Variants in ENOSF1 observed in about 807,000 individuals in gnomAD.
ENOSF1 encodes enolase superfamily member 1.
ENOSF1 carries 73 observed loss-of-function variants against 68.2 expected under a neutral mutation model. That is an observed-to-expected ratio of 1.07 (90% CI 0.89 to 1.30). The LOEUF (loss-of-function observed/expected upper bound fraction) is 1.30. Among genes scored for constraint, ENOSF1 ranks in the 50% most tolerant of loss-of-function variants. The pLI is 0.00. For missense variants in ENOSF1, 589 were observed against 554.5 expected, an observed-to-expected ratio of 1.06 and a Z score of -0.62; for synonymous variants, 223 against 210.4, an observed-to-expected ratio of 1.06 and a Z score of -0.52.
Position 675,482 on chromosome 18 carries a change from C to T in ENOSF1, c.1149-80G>A, listed in dbSNP as rs959776386. On this transcript the variant is annotated intron_variant, in intron 14 of 15. Transcript: ENST00000647584. The stretch of plus-strand genomic sequence containing the variant: ...TGGTGCTAACTTAAAGCAGAAGGAG[C>T]GAGTACCACTCAATTGACAGTGTTG... 66 of 1,209,656 alleles carry T rather than the reference C, an allele frequency of 5.5e-5. 1 individual carries two copies. The highest frequency in any genetic ancestry group is 2.9e-4 in the East Asian group (12 of 41,194). The allele number at this position is 1,209,656 out of a possible 1,614,324, so 74.9% of individuals were successfully genotyped here. A position where few individuals can be genotyped will look rare whatever the true frequency, so the allele number is the denominator to read the frequency against.
At position 671,650 on chromosome 18, in the gene ENOSF1, G is replaced by T; in HGVS notation, c.*2655C>A. Reference sequence around the variant, plus strand: ...CTCAGCAACCATGGGCACTTAACATGTCAGGTGCTGTGAGGTACTAAGCAC... The same window carrying T: ...CTCAGCAACCATGGGCACTTAACATTTCAGGTGCTGTGAGGTACTAAGCAC... On this transcript the variant is annotated 3_prime_UTR_variant, in exon 16 of 16. Coordinates refer to ENST00000647584, the MANE Select transcript of ENOSF1 (RefSeq NM_017512.7). The T allele has an allele frequency of 1.7e-6, 1 of 598,622 alleles. No individual in the cohort carries two copies. The highest frequency in any genetic ancestry group is 2.9e-6 in the Non-Finnish European group (1 of 341,860). The allele number at this position is 598,622 out of a possible 1,614,324, so 37.1% of individuals were successfully genotyped here.
intron 2 of ENOSF1, among the ~76,000 whole-genome samples, chr18:705,517 T>C (rs970140589): frequency 1.3e-5 from 2 of 152,114 alleles, no homozygotes; most frequent in African/African-American, 4.8e-5. Context: ...TGAGATCACA[T>C]CCAGCTCTGA....
intron 2 of ENOSF1, among the ~76,000 whole-genome samples, chr18:700,890 CAAAAAAAAAAAAA>C (rs71174273): frequency 1.5e-5 from 1 of 64,916 alleles, no homozygotes; most frequent in Admixed American, 2.2e-4. Context: ...AACTCTGCCT[CAAAAAAAAAAAAA>C]AAAAAAAAAA....
Position 690,550 on chromosome 18 carries a change from T to C in ENOSF1, c.617A>G (p.Gln206Arg), listed in dbSNP as rs147691635. ...ACAAAGCCAGGTTAAAATGCCCACC[T>C]GCTTCAACGTGTCATCTGAGTACCC... ...WLGYSDDTLK[Q>R]LCAQALKDGW... is the part of the protein sequence containing the mutation. The change falls in exon 8 of 16, where the codon CAG (glutamine) becomes CGG (arginine). Residue 206 changes from glutamine (Q) to arginine (R), a missense_variant and splice_region_variant. Physicochemically the swap from Gln to Arg is conservative, Grantham distance 43. Coordinates refer to ENST00000647584, the MANE Select transcript of ENOSF1 (RefSeq NM_017512.7). 36 of 1,614,088 alleles carry C rather than the reference T, an allele frequency of 2.2e-5. No individual in the cohort carries two copies. Among genetic ancestry groups the C allele is most frequent in the Non-Finnish European group, 2.8e-5 (33 of 1,180,048 alleles).
chr18:684,219 T>A (rs895185755), intron 10 of ENOSF1, among the ~76,000 whole-genome samples: 9 of 151,806 alleles, frequency 5.9e-5, no homozygotes, highest in Non-Finnish European at 1.2e-4. Flanking sequence ...ATGGTCTCAA[T>A]CTCCTGACCT....
In ENOSF1 at chr18:670,952, T is replaced by A; in HGVS notation, c.*3353A>T. On this transcript the variant is annotated 3_prime_UTR_variant, in exon 16 of 16. Coordinates refer to ENST00000647584, the MANE Select transcript of ENOSF1 (RefSeq NM_017512.7). The stretch of plus-strand genomic sequence containing the variant: ...AATATGGGAAAACAAATTGCAGAGT[T>A]TAGTCTCTGATTAGCTTTTAAATTT... 1.4e-6 allele frequency: 2 copies of A among 1,474,330 alleles called. No homozygotes were observed. The highest frequency in any genetic ancestry group is 1.8e-6 in the Non-Finnish European group (2 of 1,083,978). The allele number at this position is 1,474,330 out of a possible 1,614,324, so 91.3% of individuals were successfully genotyped here.
chr18:692,641 G>T, intron 5 of ENOSF1: 18 of 793,196 alleles, frequency 2.3e-5, no homozygotes, highest in East Asian at 1.3e-4. Context: ...AAAGAAAAGA[G>T]TACTGGCATT....
rs541883803 is a variant in ENOSF1, at chr18:674,048, G to A, written c.*257C>T. 28 of 324,576 alleles carry A rather than the reference G, an allele frequency of 8.6e-5. No individual in the cohort carries two copies. The highest frequency in any genetic ancestry group is 1.4e-4 in the Admixed American group (3 of 20,896). 20.1% of individuals were successfully genotyped at this position (324,576 alleles called of 1,614,324 possible). ...TGTCTAGGTGCCAGCCCTTGATATA[G>A]CTATTTTTGTAAGAACATCCTCCTG... On this transcript the variant is annotated 3_prime_UTR_variant, in exon 16 of 16. Transcript: ENST00000647584.
At chr18:698,764 G>A (rs1276558481) in intron 2 of ENOSF1, among the ~76,000 whole-genome samples, 1 of 151,966 alleles carries the variant, frequency 6.6e-6, no homozygotes, top group Non-Finnish European at 1.5e-5. Flanking sequence ...GAGACCACAG[G>A]CTTGAGCTGC....
rs2075227426 is a variant in ENOSF1 at position 674,139 on chromosome 18, A to G, written c.*166T>C. 2 of 588,710 alleles carry G rather than the reference A, an allele frequency of 3.4e-6. No individual in the cohort carries two copies. The highest frequency in any genetic ancestry group is 2.2e-5 in the South Asian group (1 of 44,564). The allele number at this position is 588,710 out of a possible 1,614,324, so 36.5% of individuals were successfully genotyped here. A position where few individuals can be genotyped will look rare whatever the true frequency, so the allele number is the denominator to read the frequency against. ...GTAGGATAACGTGCATTGATTTGCT[A>G]AAAGAATCAAGTAATAATTACTTAG... is the stretch of plus-strand genomic sequence containing the variant. On this transcript the variant is annotated 3_prime_UTR_variant, in exon 16 of 16. Coordinates refer to ENST00000647584, the MANE Select transcript of ENOSF1 (RefSeq NM_017512.7).
intron 4 of ENOSF1, 44 bp downstream of exon 4, chr18:694,204 G>T (rs756415252): frequency 6.4e-7 from 1 of 1,572,232 alleles, no homozygotes; most frequent in Non-Finnish European, 8.7e-7. Flanking sequence ...AGTCAGTGTC[G>T]TACAGCTCCC....
intron 2 of ENOSF1, among the ~76,000 whole-genome samples, chr18:698,353 G>T (rs2077966750): frequency 6.6e-6 from 1 of 152,266 alleles, no homozygotes; most frequent in Admixed American, 6.5e-5. Flanking sequence ...TGACTTCATA[G>T]AATTTTTAAA....
intron 11 of ENOSF1, among the ~76,000 whole-genome samples, chr18:680,676 GTTTT>G (rs33931715): frequency 2.0e-5 from 2 of 101,032 alleles, no homozygotes; most frequent in African/African-American, 4.3e-5. Context: ...ATGCTGTTGT[GTTTT>G]TTTTTTTTTT....
chr18:697,287 A>T lies in ENOSF1; in HGVS notation c.262T>A (p.Phe88Ile). ...GTGAGCTGCCTATAGAAGCCTCTGAAGTCACCAACAATGTCCTTGAGGTCC... is the reference window on the plus strand; with the variant it reads ...GTGAGCTGCCTATAGAAGCCTCTGATGTCACCAACAATGTCCTTGAGGTCC... ...NKDLKDIVGD[F>I]RGFYRQLTSD... The change falls in exon 3 of 16, where the codon TTC (phenylalanine) becomes ATC (isoleucine). Residue 88 changes from phenylalanine to isoleucine, a missense_variant. Physicochemically the swap from Phe to Ile is conservative, Grantham distance 21. Transcript: ENST00000647584. 2 of 1,614,032 alleles carry T rather than the reference A, an allele frequency of 1.2e-6. No homozygotes were observed. The highest frequency in any genetic ancestry group is 1.7e-6 in the Non-Finnish European group (2 of 1,179,946).
chr18:666,443 C>T (rs2074817711), downstream of ENOSF1, among the ~76,000 whole-genome samples: 3 of 152,314 alleles, frequency 2.0e-5, no homozygotes, highest in South Asian at 6.2e-4. Context: ...TGGACTTCCA[C>T]TTTCCTGTCA....
chr18:690,676 C>T (rs771793202), intron 7 of ENOSF1, 45 bp from the exon 8 acceptor site: 27 of 1,312,388 alleles, frequency 2.1e-5, no homozygotes, highest in Non-Finnish European at 2.6e-5. Context: ...TTCCAGGGCC[C>T]TTCGGAATTG....
intron 9 of ENOSF1, chr18:687,899 G>T (rs961711536): frequency 1.3e-5 from 2 of 152,522 alleles, no homozygotes; most frequent in African/African-American, 4.8e-5. Context: ...GGGTGCAGTG[G>T]CTCACGCCTA....
At chr18:696,272 T>C (rs1013904297) in intron 3 of ENOSF1, among the ~76,000 whole-genome samples, 7 of 144,542 alleles carry the variant, frequency 4.8e-5, no homozygotes, top group Admixed American at 4.4e-4. Context: ...AGTGCAGTGG[T>C]GCGATCTCGG....
At chr18:669,366 A>ATTTTTT (rs68090938), downstream of ENOSF1, 277 of 192,222 alleles carry the variant, frequency 1.4e-3, 2 homozygotes, top group African/African-American at 1.8e-3. Context: ...GGCCCAGAGG[A>ATTTTTT]TTTTTTTTTT....
Sources: allele counts gnomAD v4.1 joint callset (sites outside exome capture counted in the v4.1 genomes callset), GRCh38; gene constraint gnomAD v4.1.1; transcripts MANE v1.5; gene names NCBI Gene and HGNC (gene_info 2026-07-23, HGNC 2026-07-21).